The following NDE1 variants were observed in gnomAD, a reference collection of about 807,000 sequenced individuals.
NDE1 encodes the protein nudE neurodevelopment protein 1.
NDE1 carries 28 observed loss-of-function variants against 43.4 expected under a neutral mutation model. That is an observed-to-expected ratio of 0.65 (90% confidence interval 0.48 to 0.89). NDE1 has a LOEUF of 0.89. NDE1 is among the 40% of genes least tolerant of loss of function. The pLI, the probability that NDE1 is intolerant of heterozygous loss-of-function variation, is 0.00. For missense variants in NDE1, 441 were observed against 434.1 expected (o/e 1.02, Z -0.14); for synonymous variants, 184 against 172.0 (o/e 1.07, Z -0.55).
chr16:15,694,316 G>A lies in NDE1; in HGVS notation c.795+60G>A, dbSNP rs760546452. The A allele has an allele frequency of 1.8e-5, 29 of 1,591,582 alleles. No homozygotes were observed. In the South Asian group the frequency reaches 3.3e-4, roughly 18 times the overall value. On this transcript the variant is annotated intron_variant, in intron 7 of 8. Transcript: ENST00000396354. ...CTGCCTGTCTTTCAGGATGTGTGAA[G>A]GGGGTTGATCTAGTTCCTTCCCTCT...
intron 8 of NDE1, chr16:15,720,353 T>TGGG: frequency 6.3e-7 from 1 of 1,596,684 alleles, no homozygotes; most frequent in Non-Finnish European, 8.5e-7. Context: ...CACTTGCCCC[T>TGGG]GGGAGGTCCT....
chr16:15,676,212 C>A (rs997909365), intron 3 of NDE1, among the ~76,000 whole-genome samples: 1 of 128,126 alleles, frequency 7.8e-6, no homozygotes, highest in Non-Finnish European at 1.6e-5. Context: ...TTCTTTCTTT[C>A]TTTGTTTTTC....
rs200519029 is a variant in NDE1 at position 15,682,507 on chromosome 16, CG to C, written c.386+4559del. 2.7e-3 allele frequency among the ~76,000 whole-genome samples: 410 copies of C among 152,302 alleles called. 2 individuals carry two copies. The highest frequency in any genetic ancestry group is 9.3e-3 in the African/African-American group (386 of 41,568). ...TTGCTCTCATGGTCCTTCTTCTATA[CG>C]TCCCTCAAACGAAACTACTCACTTT... On this transcript the variant is annotated intron_variant, in intron 4 of 8. Transcript: ENST00000396354.
At chr16:15,715,341 G>A (rs1318436767) in intron 8 of NDE1, 3 of 1,469,078 alleles carry the variant, frequency 2.0e-6, no homozygotes, top group East Asian at 2.3e-5. Flanking sequence ...TGTGTCACCT[G>A]GAGGTGGCAT....
Position 15,704,054 on chromosome 16 carries a change from A to G in NDE1, c.947+7194A>G, listed in dbSNP as rs2039322179. ...GAGTGTCCGTTTCCTCCTCAGAACC[A>G]TCTGCATTTTCAATAACTCTACGTC... On this transcript the variant is annotated intron_variant, in intron 8 of 8. Coordinates refer to ENST00000396354, the MANE Select transcript of NDE1 (RefSeq NM_017668.3). 6 of 1,614,122 alleles carry G rather than the reference A, an allele frequency of 3.7e-6. No individual in the cohort carries two copies. The highest frequency in any genetic ancestry group is 5.1e-6 in the Non-Finnish European group (6 of 1,180,026).
In NDE1 at chr16:15,688,689, C is replaced by CTTTTTTTTTTTTTTTTTTTTTTTTTTT. The variant is rs1194565114; in HGVS notation, c.523+1179_523+1205dup. 5.0e-5 allele frequency among the ~76,000 whole-genome samples: 3 copies of CTTTTTTTTTTTTTTTTTTTTTTTTTTT among 59,996 alleles called. 1 individual carries two copies. The highest frequency in any genetic ancestry group is 8.9e-5 in the Non-Finnish European group (3 of 33,862). The allele number at this position is 59,996 out of a possible 152,430, so 39.4% of individuals were successfully genotyped here. A position where few individuals can be genotyped will look rare whatever the true frequency, so the allele number is the denominator to read the frequency against. On this transcript the variant is annotated intron_variant, in intron 5 of 8. Coordinates refer to ENST00000396354, the MANE Select transcript of NDE1 (RefSeq NM_017668.3). ...AGTGGATTGTCCAAGTTGTTTTTACCTTTTTTTTTTTTTTTTTTTTTTTTT... is the reference window on the plus strand; with the variant it reads ...AGTGGATTGTCCAAGTTGTTTTTACCTTTTTTTTTTTTTTTTTTTTTTTTTTTTTTTTTTTTTTTTTTTTTTTTTTTT...
rs754997732 is a variant in NDE1 at position 15,724,326 on chromosome 16, C to A, written c.*75C>A. 9.9e-6 allele frequency: 16 copies of A among 1,614,202 alleles called. No individual in the cohort carries two copies. Among genetic ancestry groups the A allele is most frequent in the Non-Finnish European group, 1.4e-5 (16 of 1,180,052 alleles). On this transcript the variant is annotated 3_prime_UTR_variant, in exon 9 of 9. Coordinates refer to ENST00000396354, the MANE Select transcript of NDE1 (RefSeq NM_017668.3). ...CGTACTGCTGGGTGAGGTTCTCGAT[C>A]TCCTTCTGGAACCTCTTCTTCCCCT...
At position 15,674,559 on chromosome 16, in the gene NDE1, T is replaced by A. The variant is rs889419818; in HGVS notation, c.238-3242T>A. Among the ~76,000 whole-genome samples the A allele has an allele frequency of 2.6e-5, 4 of 152,228 alleles. No homozygotes were observed. In the East Asian group the frequency reaches 7.7e-4, roughly 29 times the overall value. On this transcript the variant is annotated intron_variant, in intron 3 of 8. Coordinates refer to ENST00000396354, the MANE Select transcript of NDE1 (RefSeq NM_017668.3). ...TCACTGCTCCCGGCCTGTCTTTGTT[T>A]TTAAACCCAGAGATTGGAATGTTCT...
At chr16:15,677,110 G>T (rs538261103) in intron 3 of NDE1, among the ~76,000 whole-genome samples, 2 of 152,264 alleles carry the variant, frequency 1.3e-5, no homozygotes, top group Non-Finnish European at 2.9e-5. Flanking sequence ...TTGGTCCGTT[G>T]TGCCTGCTTT....
intron 8 of NDE1, among the ~76,000 whole-genome samples, chr16:15,722,386 C>T (rs2040533642): frequency 6.6e-6 from 1 of 152,178 alleles, no homozygotes; most frequent in Admixed American, 6.5e-5. Flanking sequence ...GAGAACATTC[C>T]ATGCTCACGT....
At position 15,708,535 on chromosome 16, in the gene NDE1, A is replaced by G. The variant is rs185582991; in HGVS notation, c.947+11675A>G. ...AGCCTCTGCCATCTCGTCAAGATGCAGTGATAAGGGCGCACACTGTTGGGT... is the reference window on the plus strand; with the variant it reads ...AGCCTCTGCCATCTCGTCAAGATGCGGTGATAAGGGCGCACACTGTTGGGT... On this transcript the variant is annotated intron_variant, in intron 8 of 8. Coordinates refer to ENST00000396354, the MANE Select transcript of NDE1 (RefSeq NM_017668.3). Among the ~76,000 whole-genome samples the G allele has an allele frequency of 3.4e-4, 52 of 152,342 alleles. No homozygotes were observed. In the East Asian group the frequency reaches 0.01, roughly 29 times the overall value.
rs938085723 is a variant in NDE1, at chr16:15,724,873, T to C, written c.*622T>C. ...CACCCCCCAGGTCCCCTGGATGATG[T>C]GGCAGGACACTCACCTGGGTGTCCT... On this transcript the variant is annotated 3_prime_UTR_variant, in exon 9 of 9. Transcript: ENST00000396354. The C allele has an allele frequency of 5.0e-6, 8 of 1,613,914 alleles. 1 individual carries two copies. In the African/African-American group the frequency reaches 6.7e-5, roughly 13 times the overall value.
Position 15,719,251 on chromosome 16 carries a change from C to T in NDE1, c.948-4940C>T, listed in dbSNP as rs1344059916. On this transcript the variant is annotated intron_variant, in intron 8 of 8. Coordinates refer to ENST00000396354, the MANE Select transcript of NDE1 (RefSeq NM_017668.3). ...GACAGGCTACTGGCCAGCTCCTCTG[C>T]CAGTTCCTCCTTCTCGAGGTCCGCT... 2.5e-6 allele frequency: 4 copies of T among 1,613,470 alleles called. No homozygotes were observed. The highest frequency in any genetic ancestry group is 3.4e-6 in the Non-Finnish European group (4 of 1,180,046).
chr16:15,667,264 A>T (rs762780284), intron 2 of NDE1, 22 bp from the exon 3 acceptor site: 3 of 1,613,912 alleles, frequency 1.9e-6, no homozygotes, highest in Non-Finnish European at 1.7e-6. Flanking sequence ...TTACTACGTG[A>T]TGATTAACAA....
chr16:15,699,552 G>GACA (rs1192567747), intron 8 of NDE1: 5 of 1,185,742 alleles, frequency 4.2e-6, no homozygotes, highest in Non-Finnish European at 5.3e-6. Context: ...TGTGACCTTG[G>GACA]AATCTGAGAG....
At chr16:15,650,857 C>T (rs2036466203) in intron 1 of NDE1, among the ~76,000 whole-genome samples, 1 of 152,196 alleles carries the variant, frequency 6.6e-6, no homozygotes, top group Non-Finnish European at 1.5e-5. Flanking sequence ...CCCCTGCAGG[C>T]CTCTTTCCAA....
rs574555938 is a variant in NDE1, at chr16:15,707,756, G to T, written c.947+10896G>T. On this transcript the variant is annotated intron_variant, in intron 8 of 8. Transcript: ENST00000396354. ...GGAGGCCAAGGCGCGCGGATCACCT[G>T]AAGTCAGGAGTTTGAGACCAGCCTG... Among the ~76,000 whole-genome samples the T allele has an allele frequency of 9.2e-5, 14 of 152,272 alleles. No individual in the cohort carries two copies. In the East Asian group the frequency reaches 2.7e-3, roughly 29 times the overall value.
At chr16:15,682,423 T>C (rs1210309097) in intron 4 of NDE1, among the ~76,000 whole-genome samples, 1 of 152,248 alleles carries the variant, frequency 6.6e-6, no homozygotes, top group East Asian at 1.9e-4. Flanking sequence ...TAGTTATATT[T>C]AGAACGTTTG....
exon 1 of NDE1, chr16:15,643,696 A>G (rs2036212343): frequency 4.5e-6 from 1 of 223,930 alleles, no homozygotes; most frequent in Admixed American, 6.4e-5. Flanking sequence ...GAAAAAAATA[A>G]CTGCCAACCT....
Sources: gnomAD v4.1 joint callset for allele counts (sites outside exome capture counted in the v4.1 genomes callset) on GRCh38, gnomAD v4.1.1 for gene constraint, MANE v1.5 for transcripts, NCBI Gene and HGNC (gene_info 2026-07-23, HGNC 2026-07-21) for gene names.